Variants in TP73 observed in about 807,000 individuals in gnomAD.
TP73 encodes p53-like transcription factor.
TP73 carries 25 observed loss-of-function variants against 62.5 expected under a neutral mutation model. The ratio of observed to expected loss-of-function variants is 0.40; its 90% CI spans 0.29 to 0.56. The LOEUF (loss-of-function observed/expected upper bound fraction) is 0.56, where lower values mean the gene tolerates loss of function less well. Among genes scored for constraint, TP73 ranks in the 20% least tolerant of loss-of-function variants. The pLI is 0.46. For synonymous variants in TP73, 423 were observed against 377.5 expected, an observed-to-expected ratio of 1.12 and a Z score of -1.40; for missense variants, 754 against 913.3, an observed-to-expected ratio of 0.83 and a Z score of 2.25.
At chr1:3,661,795 ACAC>A (rs1644995703) in intron 1 of TP73, among the ~76,000 whole-genome samples, 2 of 147,798 alleles carry the variant, frequency 1.4e-5, no homozygotes, top group Admixed American at 1.4e-4. Flanking sequence ...ATATATACAT[ACAC>A]TATATATAAT....
chr1:3,679,226 A>G (rs1394182983), intron 1 of TP73, among the ~76,000 whole-genome samples: 1 of 152,162 alleles, frequency 6.6e-6, no homozygotes, highest in African/African-American at 2.4e-5. Flanking sequence ...AGTTCACAGG[A>G]TGCCGACTTG....
chr1:3,690,678 A>G (rs567424163), intron 3 of TP73: 610 of 1,411,018 alleles, frequency 4.3e-4, no homozygotes, highest in Non-Finnish European at 5.3e-4. Context: ...TGTTGGATTC[A>G]GCCAGTTGAC....
intron 1 of TP73, among the ~76,000 whole-genome samples, chr1:3,681,656 C>T (rs968073993): frequency 6.6e-6 from 1 of 152,136 alleles, no homozygotes. Flanking sequence ...GCTCAGAAGG[C>T]GAGGGGGCGT....
In TP73 at chr1:3,699,665, C is replaced by T. The variant is rs970923422; in HGVS notation, c.187-7884C>T. Reference sequence around the variant, plus strand: ...ATGTCTCTGCCCCGTCTGGAGCTCCCGGTTCCTGTCCTAGTTGAACAGAAT... The same window carrying T: ...ATGTCTCTGCCCCGTCTGGAGCTCCTGGTTCCTGTCCTAGTTGAACAGAAT... On this transcript the variant is annotated intron_variant, in intron 3 of 13. Coordinates refer to ENST00000378295, the MANE Select transcript of TP73 (RefSeq NM_005427.4). The surrounding 1 kb of genome is among the most constrained non-coding windows in gnomAD (Gnocchi z 4.1). 3.3e-5 allele frequency among the ~76,000 whole-genome samples: 5 copies of T among 152,208 alleles called. No homozygotes were observed. Among genetic ancestry groups the T allele is most frequent in the African/African-American group, 7.2e-5 (3 of 41,460 alleles).
At chr1:3,708,750 G>C (rs1223761413) in intron 4 of TP73, among the ~76,000 whole-genome samples, 2 of 152,194 alleles carry the variant, frequency 1.3e-5, no homozygotes, top group Non-Finnish European at 2.9e-5. Flanking sequence ...GAGCCCTCCG[G>C]GTCTCCCCTC....
intron 3 of TP73, among the ~76,000 whole-genome samples, chr1:3,684,319 T>G (rs1218753235): frequency 1.3e-5 from 2 of 152,130 alleles, no homozygotes; most frequent in African/African-American, 4.8e-5. Flanking sequence ...ACAGCGCGTC[T>G]GGGGCAGGGT....
chr1:3,698,312 G>A (rs545208275), intron 3 of TP73, among the ~76,000 whole-genome samples: 4 of 152,334 alleles, frequency 2.6e-5, no homozygotes, highest in South Asian at 2.1e-4. Flanking sequence ...CCGGGCACTC[G>A]GCATTCTGGG....
Position 3,698,942 on chromosome 1 carries a change from C to G in TP73, c.187-8607C>G, listed in dbSNP as rs3765735. On this transcript the variant is annotated intron_variant, in intron 3 of 13. Transcript: ENST00000378295. ...TGCAGACACACGTCTGGGGACTGCT[C>G]CTGGGGGCGCGTTTCTCCGGTGTGA... Among the ~76,000 whole-genome samples, 34 of 152,214 alleles carry G rather than the reference C, an allele frequency of 2.2e-4. 1 individual carries two copies. In the East Asian group the frequency reaches 6.6e-3, roughly 29 times the overall value.
intron 11 of TP73, 31 bp downstream of exon 11, chr1:3,730,179 G>A (rs995448399): frequency 1.3e-6 from 2 of 1,497,862 alleles, no homozygotes; most frequent in Admixed American, 2.1e-5. Flanking sequence ...GGGCCCACGG[G>A]CAGGGCGGGG....
At position 3,663,631 on chromosome 1, in the gene TP73, G is replaced by A. The variant is rs943201427; in HGVS notation, c.-34+10990G>A. On this transcript the variant is annotated intron_variant, in intron 1 of 13. Coordinates refer to ENST00000378295, the MANE Select transcript of TP73 (RefSeq NM_005427.4). The surrounding 1 kb of genome is among the most constrained non-coding windows in gnomAD (Gnocchi z 4.7). The stretch of plus-strand genomic sequence containing the variant: ...CTCGGGAGGCTGAGGCAGGAGAATG[G>A]CGTGAACCAGGAAGGTGGAGCTTGC... Among the ~76,000 whole-genome samples the A allele has an allele frequency of 4.0e-5, 6 of 151,868 alleles. No homozygotes were observed. The highest frequency in any genetic ancestry group is 8.8e-5 in the Non-Finnish European group (6 of 67,934).
At chr1:3,719,783 A>C (rs747827) in intron 4 of TP73, among the ~76,000 whole-genome samples, 7,788 of 152,240 alleles carry the variant, frequency 0.051, 315 homozygotes, top group East Asian at 0.18. Flanking sequence ...AGACTGCTGT[A>C]CTTCCCGCTG....
In TP73 at chr1:3,715,076, G is replaced by C. The variant is rs546223325; in HGVS notation, c.430-6945G>C. Among the ~76,000 whole-genome samples the C allele has an allele frequency of 3.3e-4, 51 of 152,298 alleles. 1 individual carries two copies. The highest frequency in any genetic ancestry group is 6.8e-3 in the Middle Eastern group (2 of 294). ...CGGCAGCAAAGTGGAGGCTGGAGCT[G>C]TCCAGGCTGGGCCACCCAATCCCAG... is the stretch of plus-strand genomic sequence containing the variant. On this transcript the variant is annotated intron_variant, in intron 4 of 13. Transcript: ENST00000378295.
At chr1:3,692,053 T>G (rs547414253) in intron 3 of TP73, among the ~76,000 whole-genome samples, 10 of 152,240 alleles carry the variant, frequency 6.6e-5, no homozygotes, top group African/African-American at 2.4e-4. Flanking sequence ...GATGTGTGTG[T>G]GTATGTTATG....
At chr1:3,674,652 C>T (rs551324646) in intron 1 of TP73, among the ~76,000 whole-genome samples, 1 of 152,360 alleles carries the variant, frequency 6.6e-6, no homozygotes, top group East Asian at 1.9e-4. Flanking sequence ...AGGGCCTTGC[C>T]CCTGAGAGGG....
chr1:3,722,194 G>A lies in TP73; in HGVS notation c.603G>A (p.Arg201=). Residue 201 remains arginine (R), a synonymous_variant, in exon 5 of 14, where the codon AGG becomes AGA. Coordinates refer to ENST00000378295, the MANE Select transcript of TP73 (RefSeq NM_005427.4). The stretch of plus-strand genomic sequence containing the variant: ...GCTGCCCCAACCACGAGCTCGGGAG[G>A]GACTTCAACGAAGGTGAGGGCCCCC... ...VKRCPNHELG[R]DFNEGQSAPA... is the part of the protein sequence containing the mutation. 6.2e-7 allele frequency: 1 copy of A among 1,612,554 alleles called. No homozygotes were observed. Among genetic ancestry groups the A allele is most frequent in the Non-Finnish European group, 8.5e-7 (1 of 1,179,820 alleles).
intron 1 of TP73, among the ~76,000 whole-genome samples, chr1:3,655,760 T>A (rs1644851490): frequency 6.6e-6 from 1 of 152,208 alleles, no homozygotes; most frequent in East Asian, 1.9e-4. Flanking sequence ...GCTGGCAACA[T>A]CCACTCGTGT....
Position 3,701,254 on chromosome 1 carries a change from C to T in TP73, c.187-6295C>T, listed in dbSNP as rs78696713. On this transcript the variant is annotated intron_variant, in intron 3 of 13. Transcript: ENST00000378295. This position sits in a 1 kb window ranked among gnomAD's most constrained non-coding sequence, Gnocchi z 4.7. ...TCCCCATCCGTCCCTGTGCCCAGGG[C>T]TTAGCGACTGTCCTCTGCGTAGTGA... 4.8e-4 allele frequency among the ~76,000 whole-genome samples: 73 copies of T among 152,244 alleles called. No individual in the cohort carries two copies. The highest frequency in any genetic ancestry group is 8.9e-4 in the African/African-American group (37 of 41,536).
At chr1:3,706,456 G>A (rs547907024) in intron 3 of TP73, among the ~76,000 whole-genome samples, 19 of 119,426 alleles carry the variant, frequency 1.6e-4, no homozygotes, top group African/African-American at 5.6e-4. Flanking sequence ...GGTGCCCGCC[G>A]CAGGCCCGGG....
Position 3,733,134 on chromosome 1 carries a change from C to T in TP73, c.*55C>T, listed in dbSNP as rs1035905311. On this transcript the variant is annotated 3_prime_UTR_variant, in exon 14 of 14. Coordinates refer to ENST00000378295, the MANE Select transcript of TP73 (RefSeq NM_005427.4). ...CGCCCAGAGACCCAAGCTGCCTCCC[C>T]TCTCCTTCCTGTGTGTCCAAAACTG... 6.8e-7 allele frequency: 1 copy of T among 1,472,724 alleles called. No homozygotes were observed. Among genetic ancestry groups the T allele is most frequent in the Non-Finnish European group, 9.0e-7 (1 of 1,108,240 alleles). The allele number at this position is 1,472,724 out of a possible 1,614,324, so 91.2% of individuals were successfully genotyped here.
Sources: gnomAD v4.1 joint callset for allele counts (sites outside exome capture counted in the v4.1 genomes callset) on GRCh38, gnomAD v4.1.1 for gene constraint, Gnocchi (gnomAD v3.1) non-coding constraint, MANE v1.5 for transcripts, NCBI Gene and HGNC (gene_info 2026-07-23, HGNC 2026-07-21) for gene names.